Variants in GNA13 observed in about 807,000 individuals in gnomAD.
The protein encoded by GNA13 is guanine nucleotide-binding protein subunit alpha-13.
In GNA13, 4 loss-of-function variants were observed where a neutral mutation model predicts 33.5. The observed-to-expected ratio is 0.12, with a 90% CI of 0.06 to 0.27. The LOEUF (loss-of-function observed/expected upper bound fraction) is 0.27, where lower values mean the gene tolerates loss of function less well. Ranked by LOEUF, GNA13 falls within the 10% of genes least tolerant of loss-of-function variation. GNA13 has a pLI of 1.00. For synonymous variants in GNA13, 176 were observed against 183.8 expected (o/e 0.96, Z 0.34); for missense variants, 319 against 487.2 (o/e 0.65, Z 3.25).
chr17:65,027,615 T>C (rs564403745), intron 2 of GNA13, among the ~76,000 whole-genome samples: 2 of 152,350 alleles, frequency 1.3e-5, no homozygotes, highest in South Asian at 4.1e-4. Context: ...TTTTGCCTTC[T>C]TAGTCACTGT....
chr17:65,031,750 A>T (rs1907020148), intron 2 of GNA13, among the ~76,000 whole-genome samples: 1 of 152,068 alleles, frequency 6.6e-6, no homozygotes, highest in South Asian at 2.1e-4. Flanking sequence ...TTGCTTTTAA[A>T]AGAGACCTAA....
intron 2 of GNA13, among the ~76,000 whole-genome samples, chr17:65,041,373 T>C (rs542189475): frequency 1.6e-4 from 22 of 140,950 alleles, no homozygotes; most frequent in Admixed American, 6.1e-4. Context: ...CTTTCTTCTT[T>C]GAGGGGAGCA....
In GNA13 at chr17:65,014,231, T is replaced by C; in HGVS notation, c.*26A>G. 1 of 1,307,236 alleles carries C rather than the reference T, an allele frequency of 7.6e-7. No homozygotes were observed. The highest frequency in any genetic ancestry group is 1.1e-6 in the Non-Finnish European group (1 of 920,636). 81.0% of individuals were successfully genotyped at this position (1,307,236 alleles called of 1,614,324 possible). A position where few individuals can be genotyped will look rare whatever the true frequency, so the allele number is the denominator to read the frequency against. On this transcript the variant is annotated 3_prime_UTR_variant, in exon 4 of 4. Coordinates refer to ENST00000439174, the MANE Select transcript of GNA13 (RefSeq NM_006572.6). The surrounding 1 kb of genome is among the most constrained non-coding windows in gnomAD (Gnocchi z 5.3). ...AGAAAACATCAAAAACACAAAAAGA[T>C]ATTAAAACAGCAAGTCTTTTGTACA...
intron 2 of GNA13, among the ~76,000 whole-genome samples, chr17:65,042,979 T>C (rs936001602): frequency 7.9e-5 from 12 of 152,174 alleles, no homozygotes; most frequent in South Asian, 4.1e-4. Context: ...ATTAATAATA[T>C]GGTTAATACA....
chr17:65,023,812 A>G (rs1288723640), intron 2 of GNA13, among the ~76,000 whole-genome samples: 1 of 152,232 alleles, frequency 6.6e-6, no homozygotes, highest in African/African-American at 2.4e-5. Context: ...CATATTTCAA[A>G]ATCCATTTAA....
intron 2 of GNA13, among the ~76,000 whole-genome samples, chr17:65,028,897 G>T (rs1906900806): frequency 6.6e-6 from 1 of 151,958 alleles, no homozygotes; most frequent in African/African-American, 2.4e-5. Context: ...CCAAGTAGGT[G>T]ACAGTTTCCT....
intron 2 of GNA13, among the ~76,000 whole-genome samples, chr17:65,024,566 A>G (rs908022328): frequency 2.0e-5 from 3 of 152,206 alleles, no homozygotes; most frequent in Non-Finnish European, 4.4e-5. Flanking sequence ...ATATTATACT[A>G]TCTGACCCTT....
chr17:65,045,317 C>A (rs912809119), intron 2 of GNA13, among the ~76,000 whole-genome samples: 3 of 151,858 alleles, frequency 2.0e-5, no homozygotes, highest in Non-Finnish European at 4.4e-5. Context: ...GTCAGGAGTT[C>A]GAGACCAGCC....
At chr17:65,039,503 T>C (rs1257605914) in intron 2 of GNA13, among the ~76,000 whole-genome samples, 1 of 152,174 alleles carries the variant, frequency 6.6e-6, no homozygotes, top group African/African-American at 2.4e-5. Flanking sequence ...TCTCCCTCAC[T>C]CACTCCTCCA....
At chr17:65,035,716 T>C (rs11079551) in intron 2 of GNA13, among the ~76,000 whole-genome samples, 15,011 of 151,822 alleles carry the variant, frequency 0.099, 2,473 homozygotes, top group African/African-American at 0.34. Context: ...GGGCCAATCA[T>C]ATATAATCCC....
At chr17:65,018,150 A>C in intron 3 of GNA13, 103 bp downstream of exon 3, 1 of 428,140 alleles carries the variant, frequency 2.3e-6, no homozygotes, top group Non-Finnish European at 4.4e-6. Flanking sequence ...GAGAGAAAGA[A>C]GCAAATAGCT....
At chr17:65,046,983 A>T (rs1039681014) in intron 2 of GNA13, among the ~76,000 whole-genome samples, 7 of 152,228 alleles carry the variant, frequency 4.6e-5, no homozygotes, top group Admixed American at 1.3e-4. Context: ...TTTCAACATA[A>T]TAGAATACAA....
intron 2 of GNA13, among the ~76,000 whole-genome samples, chr17:65,037,381 T>C (rs1217574879): frequency 1.3e-5 from 2 of 152,180 alleles, no homozygotes; most frequent in Non-Finnish European, 2.9e-5. Context: ...TAAGCCCTTC[T>C]AGGCTGGCCT....
At chr17:65,042,546 G>T (rs1433520424) in intron 2 of GNA13, among the ~76,000 whole-genome samples, 1 of 151,970 alleles carries the variant, frequency 6.6e-6, no homozygotes, top group Non-Finnish European at 1.5e-5. Flanking sequence ...AGACCAGCAT[G>T]GCCAACACGG....
At chr17:65,028,084 G>T (rs2143790593) in intron 2 of GNA13, among the ~76,000 whole-genome samples, 1 of 152,320 alleles carries the variant, frequency 6.6e-6, no homozygotes, top group South Asian at 2.1e-4. Context: ...AAATCAGCCG[G>T]GCGCGGTGGC....
intron 2 of GNA13, among the ~76,000 whole-genome samples, chr17:65,031,896 AAGAGAGAGAG>A (rs1292025516): frequency 2.8e-5 from 2 of 71,334 alleles, no homozygotes; most frequent in African/African-American, 8.1e-5. Context: ...GAGAGAGAGA[AAGAGAGAGAG>A]AGAGAGAGAG....
At chr17:65,030,429 C>G (rs572783501) in intron 2 of GNA13, among the ~76,000 whole-genome samples, 1 of 152,286 alleles carries the variant, frequency 6.6e-6, no homozygotes, top group African/African-American at 2.4e-5. Context: ...TACCGGAAAT[C>G]TGACAAAGGT....
chr17:65,056,284 C>A, intron 1 of GNA13, 27 bp downstream of exon 1: 1 of 1,545,236 alleles, frequency 6.5e-7, no homozygotes, highest in Non-Finnish European at 8.8e-7. Flanking sequence ...TGCCCTTAAC[C>A]CCCGGCCCCC....
chr17:65,027,633 T>C lies in GNA13; in HGVS notation c.511-9330A>G, dbSNP rs1191890937. Among the ~76,000 whole-genome samples, 4 of 152,226 alleles carry C rather than the reference T, an allele frequency of 2.6e-5. No homozygotes were observed. The South Asian group carries it at 8.3e-4, about 31-fold the overall frequency. ...TGCCTTCTTAGTCACTGTATCCCTC[T>C]AAATATTTGCATATAGTGTTAAATA... On this transcript the variant is annotated intron_variant, in intron 2 of 3. Coordinates refer to ENST00000439174, the MANE Select transcript of GNA13 (RefSeq NM_006572.6).
Sources: gnomAD v4.1 joint callset for allele counts (sites outside exome capture counted in the v4.1 genomes callset) on GRCh38, gnomAD v4.1.1 for gene constraint, Gnocchi (gnomAD v3.1) non-coding constraint, MANE v1.5 for transcripts, NCBI Gene and HGNC (gene_info 2026-07-23, HGNC 2026-07-21) for gene names.